ADCY5: variants seen among roughly 807,000 people sequenced by gnomAD.
The protein encoded by ADCY5 is adenylate cyclase type 5.
ADCY5 carries 30 observed loss-of-function variants against 119.7 expected under a neutral mutation model. The observed-to-expected ratio is 0.25, with a 90% confidence interval of 0.19 to 0.34. The LOEUF (loss-of-function observed/expected upper bound fraction) is 0.34. ADCY5 is among the 10% of genes least tolerant of loss of function. The probability of loss-of-function intolerance (pLI) is 1.00; values close to 1 mark genes in which losing one functional copy is unlikely to be tolerated. For missense variants in ADCY5, 1,324 were observed against 1,775.2 expected, an observed-to-expected ratio of 0.75 and a Z score of 4.57; for synonymous variants, 753 against 762.2, an observed-to-expected ratio of 0.99 and a Z score of 0.20.
In ADCY5 at chr3:123,419,255, G is replaced by A. The variant is rs868117391; in HGVS notation, c.1134+28157C>T. The A allele has an allele frequency of 9.7e-5, 95 of 976,486 alleles. No individual in the cohort carries two copies. The Middle Eastern group carries it at 3.7e-3, about 38-fold the overall frequency. 60.5% of individuals were successfully genotyped at this position (976,486 alleles called of 1,614,324 possible). A position where few individuals can be genotyped will look rare whatever the true frequency, so the allele number is the denominator to read the frequency against. ...GCACTCAAGGCCCTCCCCTCCACGCGCCCCCACAGGCCAGGGAAGTGCCGT... is the reference window on the plus strand; with the variant it reads ...GCACTCAAGGCCCTCCCCTCCACGCACCCCCACAGGCCAGGGAAGTGCCGT... On this transcript the variant is annotated intron_variant, in intron 1 of 20. Transcript: ENST00000462833.
Position 123,303,061 on chromosome 3 carries a change from G to C in ADCY5, c.2718C>G (p.Phe906Leu), listed in dbSNP as rs748455951. The C allele has an allele frequency of 6.2e-7, 1 of 1,613,628 alleles. No homozygotes were observed. The highest frequency in any genetic ancestry group is 8.5e-7 in the Non-Finnish European group (1 of 1,180,010). ...FCGSPWPNCN[F>L]PEYFTYSVLL... is the part of the protein sequence containing the mutation. ...GCCCCTGTGCACCCAGTACCTCGGG[G>C]AAGTTGCAGTTGGGCCAGGGGCTGC... is the stretch of plus-strand genomic sequence containing the variant. Residue 906 changes from phenylalanine to leucine, a missense_variant, in exon 14 of 21, where the codon TTC becomes TTG. This residue lies in a region of ADCY5 where 424 missense variants were observed against 546.8 expected (regional missense o/e 0.78). Transcript: ENST00000462833.
At chr3:123,289,152 C>T (rs1938973572) in intron 19 of ADCY5, among the ~76,000 whole-genome samples, 1 of 152,204 alleles carries the variant, frequency 6.6e-6, no homozygotes, top group African/African-American at 2.4e-5. Flanking sequence ...AACTATTTCA[C>T]TTTGTTTTGC....
intron 1 of ADCY5, among the ~76,000 whole-genome samples, chr3:123,368,952 C>A (rs1015615193): frequency 6.6e-6 from 1 of 152,138 alleles, no homozygotes; most frequent in Non-Finnish European, 1.5e-5. Flanking sequence ...CAGTCCCAGA[C>A]CCCCAGTTGC....
At chr3:123,388,393 G>A (rs1166775912) in intron 1 of ADCY5, among the ~76,000 whole-genome samples, 1 of 152,160 alleles carries the variant, frequency 6.6e-6, no homozygotes, top group African/African-American at 2.4e-5. Flanking sequence ...GAGAATGACA[G>A]GAAATAAGAC....
intron 19 of ADCY5, among the ~76,000 whole-genome samples, chr3:123,287,769 T>C (rs1422654064): frequency 6.6e-6 from 1 of 152,216 alleles, no homozygotes; most frequent in East Asian, 1.9e-4. Context: ...CCCTGATGGC[T>C]TCTATTTCCC....
intron 11 of ADCY5, among the ~76,000 whole-genome samples, chr3:123,316,898 G>T (rs1009711886): frequency 9.2e-5 from 14 of 152,024 alleles, no homozygotes; most frequent in African/African-American, 3.4e-4. Flanking sequence ...AAAAATAGAT[G>T]AAAAAAACAC....
At chr3:123,308,178 C>T (rs1047065890) in intron 12 of ADCY5, among the ~76,000 whole-genome samples, 6 of 151,720 alleles carry the variant, frequency 4.0e-5, no homozygotes, top group Non-Finnish European at 7.4e-5. Context: ...GGACTACAGG[C>T]GCCCACCACC....
At chr3:123,316,318 T>C (rs987166306) in intron 11 of ADCY5, among the ~76,000 whole-genome samples, 1 of 151,948 alleles carries the variant, frequency 6.6e-6, no homozygotes, top group Admixed American at 6.6e-5. Flanking sequence ...CTATCACAGA[T>C]GGGAGGGGAC....
At chr3:123,311,523 G>T (rs1472681086) in intron 12 of ADCY5, among the ~76,000 whole-genome samples, 1 of 152,218 alleles carries the variant, frequency 6.6e-6, no homozygotes, top group East Asian at 1.9e-4. Flanking sequence ...GAAGAATTCA[G>T]TGGAAAGAAG....
intron 1 of ADCY5, among the ~76,000 whole-genome samples, chr3:123,443,621 TG>T (rs1264567017): frequency 6.6e-6 from 1 of 152,062 alleles, no homozygotes; most frequent in Non-Finnish European, 1.5e-5. Flanking sequence ...TTCTGATCAC[TG>T]GAACAACTGG....
intron 18 of ADCY5, among the ~76,000 whole-genome samples, 166 bp downstream of exon 18, chr3:123,290,947 T>C (rs1252716694): frequency 2.6e-5 from 4 of 152,162 alleles, no homozygotes; most frequent in African/African-American, 7.2e-5. Flanking sequence ...AAGGTGCCCA[T>C]TGCAGCACCT....
intron 16 of ADCY5, 92 bp from the exon 17 acceptor site, chr3:123,296,308 T>C: frequency 7.1e-7 from 1 of 1,416,360 alleles, no homozygotes; most frequent in Non-Finnish European, 9.6e-7. Context: ...GGCCCTGTTT[T>C]CTTCCTCCCA....
chr3:123,396,547 AG>A (rs1944576174), intron 1 of ADCY5, among the ~76,000 whole-genome samples: 2 of 140,438 alleles, frequency 1.4e-5, no homozygotes, highest in African/African-American at 2.6e-5. Context: ...AAAGAAAGAA[AG>A]AAAGAAAAAG....
At chr3:123,369,337 C>T (rs1489116996) in intron 1 of ADCY5, among the ~76,000 whole-genome samples, 1 of 152,184 alleles carries the variant, frequency 6.6e-6, no homozygotes, top group African/African-American at 2.4e-5. Flanking sequence ...TATAAGTTAC[C>T]CAGCCTGTGG....
chr3:123,332,380 C>A (rs1324118706), intron 4 of ADCY5, among the ~76,000 whole-genome samples, 184 bp downstream of exon 4: 2 of 152,270 alleles, frequency 1.3e-5, no homozygotes, highest in Non-Finnish European at 2.9e-5. Flanking sequence ...CTCCAGGGCC[C>A]ACGCAGGGCG....
At chr3:123,336,790 C>T (rs1295547701) in intron 3 of ADCY5, among the ~76,000 whole-genome samples, 2 of 152,194 alleles carry the variant, frequency 1.3e-5, no homozygotes, top group African/African-American at 4.8e-5. Flanking sequence ...AACTCATTCT[C>T]CACAGATGAC....
intron 20 of ADCY5, among the ~76,000 whole-genome samples, chr3:123,285,751 GCTC>G (rs1381394230): frequency 6.6e-6 from 1 of 152,204 alleles, no homozygotes; most frequent in Non-Finnish European, 1.5e-5. Context: ...CATGCCCCTT[GCTC>G]CTATCTCTAG....
At chr3:123,383,049 C>G (rs1944084331) in intron 1 of ADCY5, among the ~76,000 whole-genome samples, 1 of 152,116 alleles carries the variant, frequency 6.6e-6, no homozygotes, top group Non-Finnish European at 1.5e-5. Flanking sequence ...CCCCCACCCC[C>G]ACCCCATGGC....
chr3:123,381,830 T>C (rs1211384557), intron 1 of ADCY5, among the ~76,000 whole-genome samples: 1 of 152,198 alleles, frequency 6.6e-6, no homozygotes, highest in Non-Finnish European at 1.5e-5. Context: ...CTCTGGCTTC[T>C]ACCCTTGGGC....
Sources: gnomAD v4.1 joint callset for allele counts (sites outside exome capture counted in the v4.1 genomes callset) on GRCh38, gnomAD v4.1.1 for gene constraint, gnomAD v4.1.1 regional missense constraint, MANE v1.5 for transcripts, NCBI Gene and HGNC (gene_info 2026-07-23, HGNC 2026-07-21) for gene names.